The following AGBL4 variants were observed in gnomAD, a reference collection of about 807,000 sequenced individuals.
AGBL4 encodes the protein AGBL carboxypeptidase 4.
A neutral mutation model predicts 66.4 loss-of-function variants in AGBL4; 58 were observed. The ratio of observed to expected loss-of-function variants is 0.87; its 90% CI spans 0.71 to 1.09. The LOEUF is 1.09. Among genes scored for constraint, AGBL4 ranks in the 50% least tolerant of loss-of-function variants. The probability of loss-of-function intolerance (pLI) is 0.00; values close to 1 mark genes in which losing one functional copy is unlikely to be tolerated. For synonymous variants in AGBL4, 234 were observed against 222.9 expected (o/e 1.05, Z -0.44); for missense variants, 579 against 631.0 (o/e 0.92, Z 0.88).
rs771593014 is a variant in AGBL4, at chr1:48,653,445, A to C, written c.731T>G (p.Ile244Ser). 1 of 1,573,900 alleles carries C rather than the reference A, an allele frequency of 6.4e-7. No homozygotes were observed. Among genetic ancestry groups the C allele is most frequent in the Non-Finnish European group, 8.6e-7 (1 of 1,158,288 alleles). The change falls in exon 8 of 14, where the codon ATT becomes AGT. Residue 244 changes from isoleucine to serine, a missense_variant. Coordinates refer to ENST00000371839, the MANE Select transcript of AGBL4 (RefSeq NM_032785.4). ...TPSSFVCQGI[I>S]DFLVSQHPIA... ...AGGGTGCTGGCTTACAAGGAAGTCA[A>C]TGATCCCTAGGGAAAGAGAAGAGCC...
intron 5 of AGBL4, among the ~76,000 whole-genome samples, chr1:48,968,603 A>G (rs1481807324): frequency 6.6e-6 from 1 of 152,128 alleles, no homozygotes; most frequent in African/African-American, 2.4e-5. Context: ...AACTCCTCAA[A>G]TGTCTAAACT....
At chr1:48,874,472 G>A (rs550288497) in intron 5 of AGBL4, among the ~76,000 whole-genome samples, 4 of 152,138 alleles carry the variant, frequency 2.6e-5, no homozygotes, top group African/African-American at 7.2e-5. Flanking sequence ...TCTTTTCTTT[G>A]AATAATTTAA....
intron 5 of AGBL4, among the ~76,000 whole-genome samples, chr1:48,964,736 A>AATACATAC (rs549304007): frequency 2.0e-5 from 3 of 152,004 alleles, no homozygotes; most frequent in African/African-American, 7.2e-5. Context: ...AAAATAAATA[A>AATACATAC]ATACATACAT....
intron 3 of AGBL4, among the ~76,000 whole-genome samples, chr1:49,434,876 A>G (rs766848942): frequency 3.3e-5 from 5 of 152,110 alleles, no homozygotes; most frequent in South Asian, 2.1e-4. Flanking sequence ...GTCCTCTGCA[A>G]AAGGGATTCC....
intron 1 of AGBL4, among the ~76,000 whole-genome samples, chr1:49,900,915 A>G (rs1443790026): frequency 6.6e-6 from 1 of 152,230 alleles, no homozygotes; most frequent in East Asian, 1.9e-4. Context: ...CTTGGATTAC[A>G]GATACTTTTT....
chr1:49,866,301 T>A (rs1646699487), intron 1 of AGBL4, among the ~76,000 whole-genome samples: 1 of 151,970 alleles, frequency 6.6e-6, no homozygotes, highest in Admixed American at 6.5e-5. Flanking sequence ...CCAAGACACA[T>A]AATCATCAGA....
chr1:48,663,347 AT>A, intron 6 of AGBL4, 106 bp from the exon 7 acceptor site: 1 of 1,015,792 alleles, frequency 9.8e-7, no homozygotes, highest in Non-Finnish European at 1.6e-6. Context: ...GATGTTTTAC[AT>A]TTACCTCTTA....
chr1:49,018,053 A>G (rs1355898443), intron 5 of AGBL4, among the ~76,000 whole-genome samples: 1 of 152,208 alleles, frequency 6.6e-6, no homozygotes, highest in Non-Finnish European at 1.5e-5. Context: ...AGGTCAAGTA[A>G]GCCTAAAACC....
rs1650150205 is a variant in AGBL4 at position 48,884,819 on chromosome 1, G to A, written c.595-17589C>T. ...CAGCAGCTGGCTCCCTACAGAGAAAGAACACTGGCTCCAGTGCTCCAGTGC... is the reference window on the plus strand; with the variant it reads ...CAGCAGCTGGCTCCCTACAGAGAAAAAACACTGGCTCCAGTGCTCCAGTGC... On this transcript the variant is annotated intron_variant, in intron 5 of 13. Transcript: ENST00000371839. 2.0e-5 allele frequency among the ~76,000 whole-genome samples: 3 copies of A among 152,056 alleles called. No individual in the cohort carries two copies. The South Asian group carries it at 6.2e-4, about 32-fold the overall frequency.
At chr1:49,910,983 C>T (rs1395895890) in intron 1 of AGBL4, among the ~76,000 whole-genome samples, 1 of 151,900 alleles carries the variant, frequency 6.6e-6, no homozygotes, top group Non-Finnish European at 1.5e-5. Flanking sequence ...CTCAAAAAAA[C>T]AAAAAAGAAA....
At chr1:49,903,498 C>T (rs966125309) in intron 1 of AGBL4, among the ~76,000 whole-genome samples, 1 of 151,816 alleles carries the variant, frequency 6.6e-6, no homozygotes, top group Non-Finnish European at 1.5e-5. Context: ...TACTCCTGAA[C>T]CTAAAAGTTA....
At chr1:49,366,512 C>A (rs934318305) in intron 3 of AGBL4, among the ~76,000 whole-genome samples, 6 of 152,080 alleles carry the variant, frequency 3.9e-5, no homozygotes, top group African/African-American at 1.4e-4. Flanking sequence ...GGAGTTATAA[C>A]CATCATAAAT....
chr1:48,663,140 C>G lies in AGBL4; in HGVS notation c.724+12G>C, dbSNP rs375784218. 5.6e-6 allele frequency: 9 copies of G among 1,613,408 alleles called. No individual in the cohort carries two copies. Among genetic ancestry groups the G allele is most frequent in the Non-Finnish European group, 6.8e-6 (8 of 1,179,514 alleles). ...TGTGGGTATAGGATACCTATGAGAT[C>G]CTGCCACTCACCTTGGCACACAAAT... On this transcript the variant is annotated intron_variant, in intron 7 of 13. Transcript: ENST00000371839.
At chr1:49,601,926 T>C (rs185215489) in intron 3 of AGBL4, among the ~76,000 whole-genome samples, 3 of 152,220 alleles carry the variant, frequency 2.0e-5, no homozygotes, top group African/African-American at 7.2e-5. Context: ...ACCTACAGAA[T>C]GGAAGAAAAA....
chr1:49,005,702 C>T (rs1189553945), intron 5 of AGBL4, among the ~76,000 whole-genome samples: 3 of 152,132 alleles, frequency 2.0e-5, no homozygotes, highest in African/African-American at 7.2e-5. Flanking sequence ...TTTGTACTAT[C>T]TATGGTTTCA....
intron 1 of AGBL4, among the ~76,000 whole-genome samples, chr1:49,948,098 G>GTATATATATATGTAAATGTATGTGTA (rs557776678): frequency 1.1e-5 from 1 of 87,626 alleles, no homozygotes; most frequent in African/African-American, 5.1e-5. Context: ...ATATGTATAT[G>GTATATATATATGTAAATGTATGTGTA]TATATATATG....
At chr1:48,642,934 A>G (rs1269937471) in intron 8 of AGBL4, among the ~76,000 whole-genome samples, 1 of 152,168 alleles carries the variant, frequency 6.6e-6, no homozygotes, top group Non-Finnish European at 1.5e-5. Context: ...CGGCCTGGAT[A>G]AAACCCTGGC....
In AGBL4 at chr1:49,992,772, G is replaced by A. The variant is rs370877431; in HGVS notation, c.34+30991C>T. Among the ~76,000 whole-genome samples the A allele has an allele frequency of 4.6e-5, 7 of 151,976 alleles. No homozygotes were observed. In the East Asian group the frequency reaches 9.6e-4, roughly 21 times the overall value. On this transcript the variant is annotated intron_variant, in intron 1 of 13. Transcript: ENST00000371839. ...CTGCCAGGCAGACAAGCTCCCTTAC[G>A]TCATCCTACCTTGTAGAACTAATGT... is the stretch of plus-strand genomic sequence containing the variant.
intron 6 of AGBL4, among the ~76,000 whole-genome samples, chr1:48,722,325 G>T (rs1405138972): frequency 6.6e-6 from 1 of 152,128 alleles, no homozygotes; most frequent in Non-Finnish European, 1.5e-5. Flanking sequence ...ATTAAAGGAT[G>T]GGGAGGACTA....
Sources: gnomAD v4.1 joint callset for allele counts (sites outside exome capture counted in the v4.1 genomes callset) on GRCh38, gnomAD v4.1.1 for gene constraint, MANE v1.5 for transcripts, NCBI Gene and HGNC (gene_info 2026-07-23, HGNC 2026-07-21) for gene names.